GALNTL6: variants seen among roughly 807,000 people sequenced by gnomAD.
The protein encoded by GALNTL6 is polypeptide N-acetylgalactosaminyltransferase like 6.
Under a neutral mutation model 73.7 loss-of-function variants are expected in GALNTL6, and 46 were observed. The observed-to-expected ratio is 0.62, with a 90% CI of 0.49 to 0.80. GALNTL6 has a LOEUF of 0.80. GALNTL6 is among the 30% of genes least tolerant of loss of function. The probability of loss-of-function intolerance (pLI) is 0.00; values close to 1 mark genes in which losing one functional copy is unlikely to be tolerated. For missense variants in GALNTL6, 604 were observed against 755.0 expected (o/e 0.80, Z 2.34); for synonymous variants, 259 against 263.7 (o/e 0.98, Z 0.17).
At chr4:172,456,369 G>A (rs1418927011) in intron 5 of GALNTL6, among the ~76,000 whole-genome samples, 1 of 151,980 alleles carries the variant, frequency 6.6e-6, no homozygotes, top group African/African-American at 2.4e-5. Context: ...ATTGACAGAA[G>A]TAGGCTTCAG....
At chr4:172,459,147 T>G (rs1732516600) in intron 5 of GALNTL6, among the ~76,000 whole-genome samples, 1 of 152,196 alleles carries the variant, frequency 6.6e-6, no homozygotes, top group Non-Finnish European at 1.5e-5. Context: ...GAAAAGGCCT[T>G]CGATAAAATT....
rs150375544 is a variant in GALNTL6 at position 172,198,723 on chromosome 4, A to C, written c.139-30933A>C. ...TATGATAGGACTGTTCTGGTCAACC[A>C]AGACAACATATAATCCTTCTTCTTA... On this transcript the variant is annotated intron_variant, in intron 2 of 12. Coordinates refer to ENST00000506823, the MANE Select transcript of GALNTL6 (RefSeq NM_001034845.3). 3.0e-3 allele frequency among the ~76,000 whole-genome samples: 462 copies of C among 152,328 alleles called. 3 individuals are homozygous for C. The highest frequency in any genetic ancestry group is 4.5e-3 in the Non-Finnish European group (308 of 68,036).
intron 5 of GALNTL6, among the ~76,000 whole-genome samples, chr4:172,681,001 A>T (rs576725248): frequency 1.3e-5 from 2 of 152,256 alleles, no homozygotes; most frequent in East Asian, 3.9e-4. Flanking sequence ...AAAGGATTCC[A>T]TGTTACTGAC....
chr4:172,190,504 A>G (rs1735544059), intron 2 of GALNTL6, among the ~76,000 whole-genome samples: 2 of 152,156 alleles, frequency 1.3e-5, no homozygotes, highest in South Asian at 4.1e-4. Flanking sequence ...CACTGAGAAA[A>G]AAAAGTGTGT....
chr4:172,808,675 C>A (rs115843654), intron 5 of GALNTL6, among the ~76,000 whole-genome samples: 1 of 152,068 alleles, frequency 6.6e-6, no homozygotes, highest in Non-Finnish European at 1.5e-5. Flanking sequence ...ATAAATTATC[C>A]GATTTGATTT....
chr4:172,461,148 A>G (rs1732597453), intron 5 of GALNTL6, among the ~76,000 whole-genome samples: 1 of 152,068 alleles, frequency 6.6e-6, no homozygotes, highest in African/African-American at 2.4e-5. Flanking sequence ...GTTATCACTT[A>G]TAAATGGGAG....
chr4:172,262,863 C>G (rs1738306126), intron 3 of GALNTL6, among the ~76,000 whole-genome samples: 1 of 151,474 alleles, frequency 6.6e-6, no homozygotes, highest in South Asian at 2.1e-4. Flanking sequence ...AGTTTTATCT[C>G]TCCTTCATTT....
intron 3 of GALNTL6, among the ~76,000 whole-genome samples, chr4:172,275,855 G>C (rs1204206477): frequency 6.6e-6 from 1 of 152,112 alleles, no homozygotes; most frequent in Non-Finnish European, 1.5e-5. Flanking sequence ...TACTCGTGTG[G>C]CTGAGGCAGG....
intron 7 of GALNTL6, among the ~76,000 whole-genome samples, chr4:172,843,824 C>A (rs1395991856): frequency 6.6e-6 from 1 of 152,122 alleles, no homozygotes; most frequent in East Asian, 1.9e-4. Flanking sequence ...TTTGGGAGGC[C>A]AAGGCAGGCA....
chr4:172,862,194 G>A (rs977403588), intron 7 of GALNTL6, among the ~76,000 whole-genome samples: 2 of 152,172 alleles, frequency 1.3e-5, no homozygotes, highest in African/African-American at 4.8e-5. Context: ...ATAGTGATAT[G>A]GACAATAAAG....
At chr4:171,962,107 C>T (rs905766988) in intron 2 of GALNTL6, among the ~76,000 whole-genome samples, 1 of 152,146 alleles carries the variant, frequency 6.6e-6, no homozygotes, top group African/African-American at 2.4e-5. Context: ...ACAAGACACC[C>T]TAATAGTTAG....
intron 8 of GALNTL6, among the ~76,000 whole-genome samples, chr4:172,928,390 T>TAA (rs1748167994): frequency 6.6e-6 from 1 of 152,186 alleles, no homozygotes; most frequent in Non-Finnish European, 1.5e-5. Flanking sequence ...GGGGAAACAG[T>TAA]AAAGTCTGTC....
chr4:172,287,912 A>G (rs1323194575), intron 3 of GALNTL6, among the ~76,000 whole-genome samples: 1 of 152,138 alleles, frequency 6.6e-6, no homozygotes, highest in African/African-American at 2.4e-5. Flanking sequence ...AATAAATGAA[A>G]TGAGAGCATT....
chr4:172,377,667 C>T (rs572180827), intron 5 of GALNTL6, among the ~76,000 whole-genome samples: 3 of 152,238 alleles, frequency 2.0e-5, no homozygotes, highest in African/African-American at 4.8e-5. Flanking sequence ...GCTGCAGGTC[C>T]CAAGCCCTGC....
chr4:172,334,557 AT>A (rs1190376902), intron 4 of GALNTL6, among the ~76,000 whole-genome samples: 1 of 152,120 alleles, frequency 6.6e-6, no homozygotes, highest in African/African-American at 2.4e-5. Context: ...AGTGCTACTG[AT>A]TTTTTTACAT....
Position 172,713,081 on chromosome 4 carries a change from A to C in GALNTL6, c.554-96280A>C, listed in dbSNP as rs368210185. On this transcript the variant is annotated intron_variant, in intron 5 of 12. Transcript: ENST00000506823. Reference sequence around the variant, plus strand: ...CTATCTTTAGAATTTATATTTGAAAACTTGTTGTTATGACATAAATGCATT... The same window carrying C: ...CTATCTTTAGAATTTATATTTGAAACCTTGTTGTTATGACATAAATGCATT... Among the ~76,000 whole-genome samples, 60 of 152,174 alleles carry C rather than the reference A, an allele frequency of 3.9e-4. 3 individuals carry two copies. The South Asian group carries it at 5.8e-3, about 15-fold the overall frequency.
chr4:172,175,758 T>A (rs1489350526), intron 2 of GALNTL6, among the ~76,000 whole-genome samples: 1 of 152,214 alleles, frequency 6.6e-6, no homozygotes, highest in East Asian at 1.9e-4. Context: ...CTTTTATATG[T>A]TTTCTATCCT....
At chr4:172,045,090 G>C (rs1742181543) in intron 2 of GALNTL6, among the ~76,000 whole-genome samples, 2 of 151,952 alleles carry the variant, frequency 1.3e-5, no homozygotes, top group Non-Finnish European at 1.5e-5. Context: ...CTAATTAGCT[G>C]ACATTTTACC....
intron 4 of GALNTL6, among the ~76,000 whole-genome samples, chr4:172,347,325 A>C (rs1741783501): frequency 6.6e-6 from 1 of 152,046 alleles, no homozygotes. Flanking sequence ...CTCTGAATGC[A>C]ATTCCTCTTT....
Sources: gnomAD v4.1 joint callset for allele counts (sites outside exome capture counted in the v4.1 genomes callset) on GRCh38, gnomAD v4.1.1 for gene constraint, MANE v1.5 for transcripts, NCBI Gene and HGNC (gene_info 2026-07-23, HGNC 2026-07-21) for gene names.